Variants in DPP6 observed in about 807,000 individuals in gnomAD.
DPP6 encodes A-type potassium channel modulatory protein DPP6.
Under a neutral mutation model 122.6 loss-of-function variants are expected in DPP6, and 69 were observed. The ratio of observed to expected loss-of-function variants is 0.56; its 90% CI spans 0.46 to 0.69. DPP6 has a LOEUF of 0.69. Ranked by LOEUF, DPP6 falls within the 30% of genes least tolerant of loss-of-function variation. The probability of loss-of-function intolerance (pLI) is 0.00; values close to 1 mark genes in which losing one functional copy is unlikely to be tolerated. For missense variants in DPP6, 928 were observed against 1,116.9 expected (o/e 0.83, Z 2.41); for synonymous variants, 418 against 433.1 (o/e 0.97, Z 0.43).
chr7:154,074,888 A>G (rs1803444036), intron 1 of DPP6, among the ~76,000 whole-genome samples: 1 of 151,472 alleles, frequency 6.6e-6, no homozygotes, highest in Non-Finnish European at 1.5e-5. Context: ...GGGAGAAAAT[A>G]TTTGCAAACT....
chr7:153,898,359 C>A (rs1799496994), intron 1 of DPP6, among the ~76,000 whole-genome samples: 5 of 152,012 alleles, frequency 3.3e-5, no homozygotes. Flanking sequence ...GGCTTAGGTG[C>A]AAGGATTGCT....
At chr7:154,523,224 C>CT (rs562864089) in intron 3 of DPP6, among the ~76,000 whole-genome samples, 72 of 152,062 alleles carry the variant, frequency 4.7e-4, no homozygotes, top group African/African-American at 1.5e-3. Flanking sequence ...TCGTTCTTTT[C>CT]TTTTTTTTGA....
At chr7:154,765,558 A>G (rs1795840903) in intron 8 of DPP6, among the ~76,000 whole-genome samples, 1 of 152,168 alleles carries the variant, frequency 6.6e-6, no homozygotes, top group African/African-American at 2.4e-5. Context: ...GCAGGAATGA[A>G]TAACACTCCA....
At chr7:154,734,113 G>C (rs1842468828) in intron 8 of DPP6, among the ~76,000 whole-genome samples, 1 of 152,184 alleles carries the variant, frequency 6.6e-6, no homozygotes, top group Non-Finnish European at 1.5e-5. Flanking sequence ...TTTTATCTAA[G>C]AAAGCAATAT....
chr7:154,881,325 A>G (rs1487826860), intron 21 of DPP6, among the ~76,000 whole-genome samples: 1 of 152,214 alleles, frequency 6.6e-6, no homozygotes, highest in South Asian at 2.1e-4. Context: ...TACCATGTCT[A>G]CTTAGACGGA....
At chr7:154,453,577 A>G (rs1299266758) in intron 2 of DPP6, among the ~76,000 whole-genome samples, 4 of 150,840 alleles carry the variant, frequency 2.7e-5, no homozygotes, top group Non-Finnish European at 5.9e-5. Context: ...ATATAAACAC[A>G]TGTGAGTAAG....
chr7:154,255,294 G>T (rs562721151), intron 1 of DPP6, among the ~76,000 whole-genome samples: 1 of 152,318 alleles, frequency 6.6e-6, no homozygotes, highest in East Asian at 1.9e-4. Context: ...TTTCCTAGGG[G>T]CAGTGTGAAA....
chr7:154,517,213 G>A (rs1240076770), intron 3 of DPP6, among the ~76,000 whole-genome samples: 3 of 152,168 alleles, frequency 2.0e-5, no homozygotes, highest in Non-Finnish European at 4.4e-5. Flanking sequence ...TATTTATTTG[G>A]TGTTCTAGGT....
chr7:154,611,788 A>G (rs1833924719), intron 5 of DPP6, among the ~76,000 whole-genome samples: 1 of 152,076 alleles, frequency 6.6e-6, no homozygotes, highest in African/African-American at 2.4e-5. Context: ...CAACTATAGT[A>G]CAATATCAAA....
intron 1 of DPP6, among the ~76,000 whole-genome samples, chr7:154,061,926 C>T (rs796567498): frequency 7.6e-6 from 1 of 131,674 alleles, no homozygotes; most frequent in African/African-American, 2.8e-5. Flanking sequence ...TCTGAGGACC[C>T]CCATCGCAGG....
intron 1 of DPP6, among the ~76,000 whole-genome samples, chr7:154,258,301 A>G (rs1467277075): frequency 6.6e-6 from 1 of 152,160 alleles, no homozygotes; most frequent in Non-Finnish European, 1.5e-5. Context: ...TTGCTTTCAT[A>G]CATATCTTGT....
chr7:153,826,512 A>G, the DPP6 span, among the ~76,000 whole-genome samples: 1 of 152,156 alleles, frequency 6.6e-6, no homozygotes, highest in South Asian at 2.1e-4. Flanking sequence ...ATTTTTAAAG[A>G]GTTGCAATTT....
intron 1 of DPP6, among the ~76,000 whole-genome samples, chr7:154,204,619 T>C (rs1180536102): frequency 2.0e-5 from 3 of 152,084 alleles, no homozygotes; most frequent in Non-Finnish European, 4.4e-5. Flanking sequence ...TTTCCATGGG[T>C]AGGTGAAATG....
chr7:154,239,157 T>C (rs566507611), intron 1 of DPP6, among the ~76,000 whole-genome samples: 73 of 152,238 alleles, frequency 4.8e-4, no homozygotes, highest in Non-Finnish European at 1.0e-3. Context: ...TCTTTCATGG[T>C]ACCGAGCTTC....
chr7:154,194,926 C>T (rs751831409), intron 1 of DPP6, among the ~76,000 whole-genome samples: 1 of 152,222 alleles, frequency 6.6e-6, no homozygotes, highest in Non-Finnish European at 1.5e-5. Context: ...TATTTTCTCT[C>T]ACTCTAGCTC....
At chr7:154,756,959 G>A (rs968751935) in intron 8 of DPP6, among the ~76,000 whole-genome samples, 11 of 150,230 alleles carry the variant, frequency 7.3e-5, no homozygotes, top group South Asian at 6.3e-4. Flanking sequence ...TATATCTGCT[G>A]AGGAACAAGC....
chr7:154,861,419 C>A (rs1009983352), intron 17 of DPP6, among the ~76,000 whole-genome samples: 1 of 152,152 alleles, frequency 6.6e-6, no homozygotes. Flanking sequence ...TTACCACTGC[C>A]CAGTTAAACA....
At chr7:153,995,314 C>A (rs760291003) in intron 1 of DPP6, among the ~76,000 whole-genome samples, 1 of 152,140 alleles carries the variant, frequency 6.6e-6, no homozygotes, top group Non-Finnish European at 1.5e-5. Context: ...GGGCTGGGCG[C>A]GGTGGCTTAT....
intron 22 of DPP6, among the ~76,000 whole-genome samples, chr7:154,886,487 C>T (rs906743030): frequency 6.6e-6 from 1 of 152,208 alleles, no homozygotes; most frequent in African/African-American, 2.4e-5. Context: ...GGTCACCCAA[C>T]CCTTTTTCTC....
Sources: gnomAD v4.1 joint callset for allele counts (sites outside exome capture counted in the v4.1 genomes callset) on GRCh38, gnomAD v4.1.1 for gene constraint, MANE v1.5 for transcripts, NCBI Gene and HGNC (gene_info 2026-07-23, HGNC 2026-07-21) for gene names.